GRID1: variants seen among roughly 807,000 people sequenced by gnomAD.
GRID1 encodes glutamate receptor ionotropic, delta-1.
Under a neutral mutation model 98.0 loss-of-function variants are expected in GRID1, and 28 were observed. The observed-to-expected ratio is 0.29, with a 90% CI of 0.21 to 0.39. The LOEUF is 0.39. GRID1 is among the 10% of genes least tolerant of loss of function. GRID1 has a pLI of 1.00. For missense variants in GRID1, 1,111 were observed against 1,340.5 expected (o/e 0.83, Z 2.67); for synonymous variants, 553 against 538.5 (o/e 1.03, Z -0.37).
At chr10:86,207,628 CTTTTTTTTT>C (rs71016123) in intron 2 of GRID1, among the ~76,000 whole-genome samples, 1 of 106,220 alleles carries the variant, frequency 9.4e-6, no homozygotes, top group Non-Finnish European at 1.8e-5. Flanking sequence ...GATGCAGTTT[CTTTTTTTTT>C]TTTTTTTTTT....
chr10:86,044,814 T>C (rs1022408460), intron 4 of GRID1, among the ~76,000 whole-genome samples: 4 of 151,602 alleles, frequency 2.6e-5, no homozygotes, highest in African/African-American at 9.7e-5. Flanking sequence ...TGGCTCGTTT[T>C]GCAGGTTATC....
At chr10:86,051,812 A>G (rs1843506600) in intron 4 of GRID1, among the ~76,000 whole-genome samples, 1 of 152,252 alleles carries the variant, frequency 6.6e-6, no homozygotes, top group Non-Finnish European at 1.5e-5. Flanking sequence ...CTATGGAAAA[A>G]CAGGCACGCT....
intron 2 of GRID1, among the ~76,000 whole-genome samples, chr10:86,251,575 C>G (rs1162403929): frequency 2.0e-5 from 3 of 152,034 alleles, no homozygotes; most frequent in Admixed American, 1.3e-4. Context: ...CCTAGAACAT[C>G]AGGCCCCTGA....
intron 2 of GRID1, among the ~76,000 whole-genome samples, chr10:86,216,765 T>A (rs947525044): frequency 6.6e-6 from 1 of 152,122 alleles, no homozygotes; most frequent in African/African-American, 2.4e-5. Context: ...CCCAAGACTA[T>A]GAAGCACAGC....
rs1412653775 is a variant in GRID1, at chr10:85,916,005, G to T, written c.780+181C>A. Among the ~76,000 whole-genome samples, 2 of 152,180 alleles carry T rather than the reference G, an allele frequency of 1.3e-5. No individual in the cohort carries two copies. Among genetic ancestry groups the T allele is most frequent in the African/African-American group, 4.8e-5 (2 of 41,442 alleles). On this transcript the variant is annotated intron_variant, in intron 5 of 15. Coordinates refer to ENST00000327946, the MANE Select transcript of GRID1 (RefSeq NM_017551.3). The surrounding 1 kb of genome is among the most constrained non-coding windows in gnomAD (Gnocchi z 4.0). Reference sequence around the variant, plus strand: ...AGGATTCTTTCTCTCGTTCCCACCTGCCAGGTGAGCACCCTGCTAGGTCAA... The same window carrying T: ...AGGATTCTTTCTCTCGTTCCCACCTTCCAGGTGAGCACCCTGCTAGGTCAA...
chr10:85,757,009 G>A (rs1344457896), intron 8 of GRID1, among the ~76,000 whole-genome samples: 1 of 152,174 alleles, frequency 6.6e-6, no homozygotes, highest in African/African-American at 2.4e-5. Context: ...CTCATAGTCT[G>A]TCAGCTGCTT....
At chr10:86,175,858 C>T (rs1347663886) in intron 3 of GRID1, among the ~76,000 whole-genome samples, 3 of 152,194 alleles carry the variant, frequency 2.0e-5, no homozygotes, top group Non-Finnish European at 2.9e-5. Context: ...TACAGGCATG[C>T]GCCACCATGC....
rs533481932 is a variant in GRID1 at position 85,827,047 on chromosome 10, C to G, written c.1233+27449G>C. Among the ~76,000 whole-genome samples the G allele has an allele frequency of 6.6e-5, 10 of 152,328 alleles. No homozygotes were observed. The South Asian group carries it at 2.1e-3, about 32-fold the overall frequency. The stretch of plus-strand genomic sequence containing the variant: ...TTGAGAAAGAACCAGTGCAAGAACT[C>G]TAGCAACTCAAAAAGCCAGAGTATC... On this transcript the variant is annotated intron_variant, in intron 8 of 15. Transcript: ENST00000327946.
intron 8 of GRID1, among the ~76,000 whole-genome samples, chr10:85,795,261 A>G (rs553567429): frequency 6.6e-6 from 1 of 152,284 alleles, no homozygotes; most frequent in African/African-American, 2.4e-5. Flanking sequence ...GTCAAATTGA[A>G]TAGTACATAG....
intron 2 of GRID1, among the ~76,000 whole-genome samples, chr10:86,260,832 C>T (rs1263090874): frequency 1.3e-5 from 2 of 152,224 alleles, no homozygotes; most frequent in Non-Finnish European, 2.9e-5. Context: ...CCAAGCCACT[C>T]GGCTCCAGAG....
At position 86,168,109 on chromosome 10, in the gene GRID1, A is replaced by G. The variant is rs1845428387; in HGVS notation, c.521-29085T>C. ...TGCAGCCCAAAAACATCTGGACTCCACCAGAGGCACTACGGGGCAAGGTGA... is the reference window on the plus strand; with the variant it reads ...TGCAGCCCAAAAACATCTGGACTCCGCCAGAGGCACTACGGGGCAAGGTGA... On this transcript the variant is annotated intron_variant, in intron 3 of 15. Coordinates refer to ENST00000327946, the MANE Select transcript of GRID1 (RefSeq NM_017551.3). Among the ~76,000 whole-genome samples the G allele has an allele frequency of 2.0e-5, 3 of 152,108 alleles. No homozygotes were observed. The South Asian group carries it at 6.2e-4, about 32-fold the overall frequency.
In GRID1 at chr10:85,945,074, T is replaced by G. The variant is rs1197806420; in HGVS notation, c.727-28835A>C. 2.6e-5 allele frequency among the ~76,000 whole-genome samples: 4 copies of G among 152,318 alleles called. No individual in the cohort carries two copies. In the East Asian group the frequency reaches 7.7e-4, roughly 29 times the overall value. The stretch of plus-strand genomic sequence containing the variant: ...CTGAGGTCCTCATCCAAACTATGAC[T>G]GCCAAGCATCCTAACCATGAACACC... On this transcript the variant is annotated intron_variant, in intron 4 of 15. Transcript: ENST00000327946.
In GRID1 at chr10:85,617,908, A is replaced by G. The variant is rs956417344; in HGVS notation, c.2360+1959T>C. On this transcript the variant is annotated intron_variant, in intron 14 of 15. Transcript: ENST00000327946. Reference sequence around the variant, plus strand: ...GAAAGCCTGGTCTCTGGAAACACACACCCCATGTTGGCCCTGGCCCTGGTC... The same window carrying G: ...GAAAGCCTGGTCTCTGGAAACACACGCCCCATGTTGGCCCTGGCCCTGGTC... Among the ~76,000 whole-genome samples, 8 of 151,948 alleles carry G rather than the reference A, an allele frequency of 5.3e-5. No homozygotes were observed. The South Asian group carries it at 1.7e-3, about 32-fold the overall frequency.
intron 5 of GRID1, among the ~76,000 whole-genome samples, chr10:85,897,021 TGATAC>T (rs1350301271): frequency 1.5e-3 from 235 of 152,318 alleles, no homozygotes; most frequent in African/African-American, 5.5e-3. Flanking sequence ...AAATTGTTAA[TGATAC>T]ATTATTAATT....
chr10:86,342,123 T>G (rs1848318937), intron 2 of GRID1, among the ~76,000 whole-genome samples: 1 of 152,142 alleles, frequency 6.6e-6, no homozygotes, highest in Non-Finnish European at 1.5e-5. Flanking sequence ...TGCAGAGACT[T>G]CCCACACTGT....
intron 2 of GRID1, among the ~76,000 whole-genome samples, chr10:86,270,180 AC>A (rs1847163656): frequency 6.6e-6 from 1 of 151,998 alleles, no homozygotes; most frequent in African/African-American, 2.4e-5. Context: ...TCTTTCCCTC[AC>A]CCCTTCAGAC....
intron 5 of GRID1, among the ~76,000 whole-genome samples, chr10:85,900,524 A>AT (rs1462780192): frequency 6.6e-6 from 1 of 152,194 alleles, no homozygotes; most frequent in Non-Finnish European, 1.5e-5. Context: ...TTTCCCAAGC[A>AT]TTTTTCTGTC....
intron 2 of GRID1, among the ~76,000 whole-genome samples, chr10:86,233,265 A>T (rs1388573091): frequency 6.6e-6 from 1 of 151,928 alleles, no homozygotes; most frequent in Non-Finnish European, 1.5e-5. Flanking sequence ...TTCTGAGAAG[A>T]CTAGCACTCA....
At chr10:86,217,344 C>G (rs1218262529) in intron 2 of GRID1, among the ~76,000 whole-genome samples, 1 of 152,202 alleles carries the variant, frequency 6.6e-6, no homozygotes, top group Non-Finnish European at 1.5e-5. Flanking sequence ...CCTCCTAGGG[C>G]TGACATGAGA....
Sources: allele counts gnomAD v4.1 joint callset (sites outside exome capture counted in the v4.1 genomes callset), GRCh38; gene constraint gnomAD v4.1.1; non-coding constraint Gnocchi (gnomAD v3.1); transcripts MANE v1.5; gene names NCBI Gene and HGNC (gene_info 2026-07-23, HGNC 2026-07-21).